Variants in SPAG16 observed in about 807,000 individuals in gnomAD.
SPAG16 encodes the protein sperm associated antigen 16.
In SPAG16, 86 loss-of-function variants were observed where a neutral mutation model predicts 80.4. The ratio of observed to expected loss-of-function variants is 1.07; its 90% confidence interval spans 0.90 to 1.28. SPAG16 has a LOEUF of 1.28. Among genes scored for constraint, SPAG16 ranks in the 50% most tolerant of loss-of-function variants. The pLI, the probability that SPAG16 is intolerant of heterozygous loss-of-function variation, is 0.00. For missense variants in SPAG16, 870 were observed against 765.3 expected (o/e 1.14, Z -1.61); for synonymous variants, 294 against 265.9 (o/e 1.11, Z -1.03).
chr2:214,352,576 A>G (rs7355311), intron 15 of SPAG16, among the ~76,000 whole-genome samples: 1,065 of 13,154 alleles, frequency 0.081, 7 homozygotes, highest in Middle Eastern at 0.14. Context: ...GTGTGTGTGT[A>G]TGTGTGACTA....
chr2:213,851,251 C>G (rs1410153072), intron 10 of SPAG16, among the ~76,000 whole-genome samples: 1 of 152,154 alleles, frequency 6.6e-6, no homozygotes, highest in African/African-American at 2.4e-5. Context: ...TGGTGGCTCA[C>G]ACCTGTAATC....
At chr2:213,940,150 C>T (rs1380907500) in intron 12 of SPAG16, among the ~76,000 whole-genome samples, 2 of 152,126 alleles carry the variant, frequency 1.3e-5, no homozygotes, top group East Asian at 3.9e-4. Context: ...GCCATAACTA[C>T]CATTAAAAAA....
At chr2:213,297,987 A>G (rs1395940011) in intron 3 of SPAG16, among the ~76,000 whole-genome samples, 1 of 152,178 alleles carries the variant, frequency 6.6e-6, no homozygotes, top group Non-Finnish European at 1.5e-5. Flanking sequence ...CCTTTACTAC[A>G]GAGAAATGTG....
At chr2:213,814,683 A>T (rs1273747523) in intron 10 of SPAG16, among the ~76,000 whole-genome samples, 1 of 152,008 alleles carries the variant, frequency 6.6e-6, no homozygotes, top group African/African-American at 2.4e-5. Context: ...CCAGCTACTC[A>T]GGAGGCTGAG....
intron 10 of SPAG16, among the ~76,000 whole-genome samples, chr2:213,689,791 ATT>A (rs1462962081): frequency 2.0e-5 from 3 of 151,924 alleles, no homozygotes; most frequent in Non-Finnish European, 2.9e-5. Context: ...GATGTCTGGA[ATT>A]TTCTCTCTGC....
At chr2:213,971,941 T>C (rs768364871) in intron 12 of SPAG16, among the ~76,000 whole-genome samples, 36 of 151,858 alleles carry the variant, frequency 2.4e-4, no homozygotes, top group Non-Finnish European at 4.6e-4. Flanking sequence ...TGTGTGTGTG[T>C]GTGTTTTCAA....
intron 13 of SPAG16, among the ~76,000 whole-genome samples, chr2:214,098,359 A>C (rs1358249136): frequency 6.6e-6 from 1 of 152,074 alleles, no homozygotes; most frequent in East Asian, 1.9e-4. Flanking sequence ...GTATCTTGGA[A>C]GGTGACTGTA....
intron 12 of SPAG16, among the ~76,000 whole-genome samples, chr2:213,976,345 T>TAA (rs1402868123): frequency 6.6e-6 from 1 of 151,436 alleles, no homozygotes; most frequent in African/African-American, 2.4e-5. Flanking sequence ...CATATATATA[T>TAA]ATCAGATGAT....
intron 7 of SPAG16, among the ~76,000 whole-genome samples, chr2:213,359,484 G>T (rs1316523074): frequency 5.3e-5 from 8 of 152,214 alleles, no homozygotes; most frequent in Non-Finnish European, 1.2e-4. Context: ...AGCAATGGCA[G>T]ACGCCCCTCC....
chr2:213,581,705 A>G (rs183664646), intron 10 of SPAG16, among the ~76,000 whole-genome samples: 8 of 152,232 alleles, frequency 5.3e-5, no homozygotes, highest in Non-Finnish European at 1.0e-4. Context: ...GCCTTTCACT[A>G]TTCCTCTTGA....
Position 214,402,186 on chromosome 2 carries a change from A to G in SPAG16, c.1721-7954A>G, listed in dbSNP as rs147266703. Among the ~76,000 whole-genome samples the G allele has an allele frequency of 1.3e-4, 20 of 152,198 alleles. No homozygotes were observed. The East Asian group carries it at 3.5e-3, about 26-fold the overall frequency. ...CTGTCAACATTATTTAATAAATTTC[A>G]TAACTAACATAGGGTGCTCCATTAC... On this transcript the variant is annotated intron_variant, in intron 15 of 15. Coordinates refer to ENST00000331683, the MANE Select transcript of SPAG16 (RefSeq NM_024532.5).
intron 10 of SPAG16, among the ~76,000 whole-genome samples, chr2:213,716,545 T>C (rs2066246872): frequency 6.6e-6 from 1 of 152,224 alleles, no homozygotes; most frequent in African/African-American, 2.4e-5. Context: ...TGTCTTAAAC[T>C]GCTGTTGTTT....
At chr2:213,990,666 A>T (rs1049423809) in intron 12 of SPAG16, among the ~76,000 whole-genome samples, 1 of 152,138 alleles carries the variant, frequency 6.6e-6, no homozygotes, top group African/African-American at 2.4e-5. Context: ...TGTTATCTTC[A>T]CGTTGAGTAG....
At chr2:213,843,504 A>G (rs538363365) in intron 10 of SPAG16, among the ~76,000 whole-genome samples, 1 of 152,328 alleles carries the variant, frequency 6.6e-6, no homozygotes, top group African/African-American at 2.4e-5. Context: ...TTAGTCTTTC[A>G]AATGCCAGTG....
intron 10 of SPAG16, among the ~76,000 whole-genome samples, chr2:213,702,826 T>G (rs1474009462): frequency 6.6e-6 from 1 of 152,146 alleles, no homozygotes; most frequent in African/African-American, 2.4e-5. Flanking sequence ...AGATTTAAGA[T>G]TGGCATGGAA....
chr2:213,382,047 GTTT>G (rs749595993), intron 9 of SPAG16, among the ~76,000 whole-genome samples: 2 of 145,656 alleles, frequency 1.4e-5, no homozygotes, highest in African/African-American at 5.0e-5. Flanking sequence ...AATCAGGCTA[GTTT>G]TTTTTTTTTA....
chr2:213,932,147 CATATAT>C (rs61264162), intron 12 of SPAG16, among the ~76,000 whole-genome samples: 712 of 29,638 alleles, frequency 0.024, 1 homozygote, highest in East Asian at 0.045. Flanking sequence ...CTTGATACTG[CATATAT>C]ATATATATAT....
chr2:213,750,457 A>T (rs1559436040), intron 10 of SPAG16, among the ~76,000 whole-genome samples: 2 of 152,214 alleles, frequency 1.3e-5, no homozygotes, highest in African/African-American at 4.8e-5. Flanking sequence ...ATAGAAAGCT[A>T]TTTGTCCAAA....
chr2:213,612,199 G>T (rs978512337), intron 10 of SPAG16, among the ~76,000 whole-genome samples: 7 of 152,100 alleles, frequency 4.6e-5, no homozygotes, highest in Non-Finnish European at 8.8e-5. Flanking sequence ...TTTAGATATG[G>T]ATATTTATGT....
Sources: allele counts gnomAD v4.1 joint callset (sites outside exome capture counted in the v4.1 genomes callset), GRCh38; gene constraint gnomAD v4.1.1; transcripts MANE v1.5; gene names NCBI Gene and HGNC (gene_info 2026-07-23, HGNC 2026-07-21).